FBLN7: variants seen among roughly 807,000 people sequenced by gnomAD.
The protein encoded by FBLN7 is fibulin 7, also known as fibulin-7.
FBLN7 carries 31 observed loss-of-function variants against 44.0 expected under a neutral mutation model. That is an observed-to-expected ratio of 0.70 (90% confidence interval 0.53 to 0.95). The LOEUF is 0.95. Among genes scored for constraint, FBLN7 ranks in the 40% least tolerant of loss-of-function variants. The pLI is 0.00. For missense variants in FBLN7, 573 were observed against 618.5 expected, an observed-to-expected ratio of 0.93 and a Z score of 0.78; for synonymous variants, 262 against 253.4, an observed-to-expected ratio of 1.03 and a Z score of -0.32.
intron 1 of FBLN7, among the ~76,000 whole-genome samples, chr2:112,158,145 C>A (rs1203721262): frequency 1.4e-5 from 2 of 147,574 alleles, no homozygotes; most frequent in African/African-American, 5.0e-5. Flanking sequence ...GATCCGCCCG[C>A]CTCGGCCTCC....
the FBLN7 span, among the ~76,000 whole-genome samples, chr2:112,226,201 A>G: frequency 6.6e-6 from 1 of 152,182 alleles, no homozygotes; most frequent in Non-Finnish European, 1.5e-5. Context: ...TAATGGAAAG[A>G]TACAAATTAC....
chr2:112,230,525 T>G, the FBLN7 span, among the ~76,000 whole-genome samples: 1 of 151,990 alleles, frequency 6.6e-6, no homozygotes, highest in African/African-American at 2.4e-5. Context: ...GAATGACAGC[T>G]GCATGCATCT....
chr2:112,142,839 G>A (rs1023409941), intron 1 of FBLN7, among the ~76,000 whole-genome samples: 2 of 151,898 alleles, frequency 1.3e-5, no homozygotes, highest in Admixed American at 6.6e-5. Flanking sequence ...TTTTGCATTG[G>A]TACCTGTGGT....
At chr2:112,243,690 T>G in the FBLN7 span, among the ~76,000 whole-genome samples, 1 of 152,314 alleles carries the variant, frequency 6.6e-6, no homozygotes, top group Non-Finnish European at 1.5e-5. Flanking sequence ...CTCTCCTTCA[T>G]TATATAAATA....
the FBLN7 span, among the ~76,000 whole-genome samples, chr2:112,224,640 C>T: frequency 2.0e-5 from 3 of 152,162 alleles, no homozygotes; most frequent in African/African-American, 7.2e-5. Flanking sequence ...GAACACAATT[C>T]AGCAATAAAG....
At chr2:112,221,446 T>G in the FBLN7 span, among the ~76,000 whole-genome samples, 7 of 152,218 alleles carry the variant, frequency 4.6e-5, no homozygotes, top group Non-Finnish European at 7.3e-5. Context: ...CAGAAGCAGA[T>G]GCCTCCATGC....
chr2:112,212,789 AATGCATAG>A, the FBLN7 span: 1 of 152,060 alleles, frequency 6.6e-6, no homozygotes, highest in South Asian at 2.1e-4. Flanking sequence ...ATAGATTTAA[AATGCATAG>A]ACACAATCCT....
the FBLN7 span, among the ~76,000 whole-genome samples, chr2:112,219,507 A>G: frequency 6.0e-3 from 914 of 152,322 alleles, 5 homozygotes; most frequent in Non-Finnish European, 9.9e-3. Flanking sequence ...GAAAGTCTTC[A>G]CAACACTATT....
At chr2:112,139,189 CTCCCGCCTCTCTCCAGGCCAGTGTCCT>C (rs1680513084) in intron 1 of FBLN7, among the ~76,000 whole-genome samples, 1 of 52,840 alleles carries the variant, frequency 1.9e-5, no homozygotes. Flanking sequence ...GCCAGTGTCC[CTCCCGCCTCTCTCCAGGCCAGTGTCCT>C]TCACGCCTCT....
the FBLN7 span, among the ~76,000 whole-genome samples, chr2:112,210,975 T>A: frequency 6.6e-6 from 1 of 152,188 alleles, no homozygotes; most frequent in African/African-American, 2.4e-5. Flanking sequence ...CTGGAGCACC[T>A]CTTCCAAACT....
chr2:112,224,844 T>C, the FBLN7 span, among the ~76,000 whole-genome samples: 2 of 152,176 alleles, frequency 1.3e-5, no homozygotes, highest in African/African-American at 4.8e-5. Flanking sequence ...TGTAGTAAAG[T>C]GTCACAGGGA....
intron 1 of FBLN7, among the ~76,000 whole-genome samples, chr2:112,141,453 G>A (rs550817078): frequency 9.8e-5 from 15 of 152,338 alleles, no homozygotes; most frequent in African/African-American, 3.6e-4. Flanking sequence ...AGGGATTCCA[G>A]GCAGGCAGAA....
intron 1 of FBLN7, among the ~76,000 whole-genome samples, chr2:112,157,848 T>G (rs2104558115): frequency 6.6e-6 from 1 of 152,116 alleles, no homozygotes; most frequent in Non-Finnish European, 1.5e-5. Context: ...GATCCCAAAG[T>G]GCTAGGATTA....
the FBLN7 span, among the ~76,000 whole-genome samples, chr2:112,234,936 T>C: frequency 6.6e-6 from 1 of 152,148 alleles, no homozygotes; most frequent in Non-Finnish European, 1.5e-5. Flanking sequence ...ATCTATAGTT[T>C]CAATGAGATG....
intron 1 of FBLN7, among the ~76,000 whole-genome samples, chr2:112,145,751 A>T (rs1429966848): frequency 1.3e-5 from 2 of 152,164 alleles, no homozygotes; most frequent in Non-Finnish European, 2.9e-5. Flanking sequence ...CCAATTTTTC[A>T]TGTGGATATC....
At chr2:112,168,267 C>T (rs962655771) in intron 3 of FBLN7, among the ~76,000 whole-genome samples, 3 of 152,190 alleles carry the variant, frequency 2.0e-5, no homozygotes, top group South Asian at 2.1e-4. Context: ...AGCCCACCTT[C>T]GGGATGCCTA....
chr2:112,172,017 G>C (rs1018013431), intron 3 of FBLN7, among the ~76,000 whole-genome samples: 1 of 152,146 alleles, frequency 6.6e-6, no homozygotes, highest in African/African-American at 2.4e-5. Context: ...AAAGTGCTAG[G>C]ATTACAGGCG....
chr2:112,182,567 C>A (rs771313849), intron 5 of FBLN7, among the ~76,000 whole-genome samples: 1 of 108,230 alleles, frequency 9.2e-6, no homozygotes, highest in African/African-American at 3.7e-5. Flanking sequence ...CTCCCTCTCA[C>A]TCCTCCTTTT....
At chr2:112,171,847 T>C (rs564690211) in intron 3 of FBLN7, among the ~76,000 whole-genome samples, 72 of 152,202 alleles carry the variant, frequency 4.7e-4, no homozygotes, top group African/African-American at 1.1e-3. Flanking sequence ...CCTGGGTTCA[T>C]GCCATTCTCC....
Sources: allele counts gnomAD v4.1 joint callset (sites outside exome capture counted in the v4.1 genomes callset), GRCh38; gene constraint gnomAD v4.1.1; transcripts MANE v1.5; gene names NCBI Gene and HGNC (gene_info 2026-07-23, HGNC 2026-07-21).